The following TCOF1 variants were observed in gnomAD, a reference collection of about 807,000 sequenced individuals.
TCOF1 encodes the protein treacle ribosome biogenesis factor 1, also known as treacle protein.
A neutral mutation model predicts 149.0 loss-of-function variants in TCOF1; 33 were observed. The ratio of observed to expected loss-of-function variants is 0.22; its 90% confidence interval spans 0.17 to 0.30. The LOEUF (loss-of-function observed/expected upper bound fraction) is 0.30. Ranked by LOEUF, TCOF1 falls within the 10% of genes least tolerant of loss-of-function variation. The pLI is 1.00. For synonymous variants in TCOF1, 789 were observed against 738.8 expected (o/e 1.07, Z -1.10); for missense variants, 1,728 against 1,840.7 (o/e 0.94, Z 1.12).
intron 1 of TCOF1, 113 bp from the exon 2 acceptor site, chr5:150,361,043 C>A: frequency 7.1e-7 from 1 of 1,403,740 alleles, no homozygotes; most frequent in Non-Finnish European, 1.0e-6. Flanking sequence ...GCCAAAAAGA[C>A]CCTCTTCTGA....
intron 23 of TCOF1, chr5:150,395,001 G>A (rs1768169537): frequency 1.3e-5 from 2 of 150,932 alleles, no homozygotes; most frequent in South Asian, 2.1e-4. Context: ...GCCCTCCCCA[G>A]CTTCCCTCTC....
intron 17 of TCOF1, among the ~76,000 whole-genome samples, chr5:150,382,903 C>T (rs1765515941): frequency 6.6e-6 from 1 of 152,198 alleles, no homozygotes; most frequent in African/African-American, 2.4e-5. Flanking sequence ...GGCTGTGGGG[C>T]AGGTCAGGCC....
At chr5:150,393,752 G>C (rs1767891023) in intron 23 of TCOF1, 200 bp downstream of exon 23, 2 of 700,436 alleles carry the variant, frequency 2.9e-6, no homozygotes, top group Admixed American at 5.3e-5. Flanking sequence ...AGTGGCTCAT[G>C]CCCATAATCC....
At chr5:150,367,418 T>C (rs933576132) in intron 3 of TCOF1, among the ~76,000 whole-genome samples, 2 of 152,236 alleles carry the variant, frequency 1.3e-5, no homozygotes, top group Non-Finnish European at 2.9e-5. Flanking sequence ...CAACTTTCTC[T>C]GTGGACCTGA....
rs1037461631 is a variant in TCOF1, at chr5:150,372,056, T to C, written c.690T>C (p.Thr230=). 1.2e-6 allele frequency: 2 copies of C among 1,614,174 alleles called. No individual in the cohort carries two copies. The highest frequency in any genetic ancestry group is 1.7e-6 in the Non-Finnish European group (2 of 1,180,032). The change falls in exon 7 of 27, where the codon ACT becomes ACC. Residue 230 remains threonine, a synonymous_variant. Coordinates refer to ENST00000643257, the MANE Select transcript of TCOF1 (RefSeq NM_001371623.1). ...PAQVKASSVS[T]KESPARKAAP... is the part of the protein sequence containing the mutation. ...AGGTCAAAGCCTCATCAGTTTCTAC[T>C]AAGGAGTCTCCAGCAAGAAAGGCGG...
intron 17 of TCOF1, chr5:150,383,735 T>G (rs1473504486): frequency 6.4e-7 from 1 of 1,551,860 alleles, no homozygotes; most frequent in Admixed American, 2.0e-5. Flanking sequence ...GTTTTCTGTT[T>G]AGGACCAGGA....
rs938497518 is a variant in TCOF1, at chr5:150,371,921, T to A, written c.640-85T>A. The A allele has an allele frequency of 2.2e-4, 266 of 1,222,174 alleles. 5 individuals carry two copies. The South Asian group carries it at 3.3e-3, about 15-fold the overall frequency. The allele number at this position is 1,222,174 out of a possible 1,614,324, so 75.7% of individuals were successfully genotyped here. ...ATCCAGTGACATTAGGAAAGAGCTT[T>A]ATCAACTGCTGAAGCCCCTAATACA... On this transcript the variant is annotated intron_variant, in intron 6 of 26. Transcript: ENST00000643257.
At chr5:150,393,274 G>A in intron 22 of TCOF1, 98 bp from the exon 23 acceptor site, 1 of 1,473,292 alleles carries the variant, frequency 6.8e-7, no homozygotes, top group Non-Finnish European at 9.4e-7. Context: ...TGATCCTAGA[G>A]GCCCCAGGCT....
rs537931287 is a variant in TCOF1 at position 150,396,811 on chromosome 5, G to C, written c.4314G>C (p.Lys1438Asn). The part of the protein sequence containing the change: ...TVEGGDQSNP[K>N]SKKEKKKSDK... Reference sequence around the variant, plus strand: ...AAGGTGGAGATCAAAGCAACCCAAAGAGCAAGAAGGAGAAGAAGAAATCCG... The same window carrying C: ...AAGGTGGAGATCAAAGCAACCCAAACAGCAAGAAGGAGAAGAAGAAATCCG... Residue 1438 changes from lysine to asparagine, a missense_variant, in exon 24 of 27, where the codon AAG becomes AAC. Physicochemically the swap from Lys to Asn is moderately conservative, Grantham distance 94. Transcript: ENST00000643257. 6.2e-7 allele frequency: 1 copy of C among 1,607,268 alleles called. No individual in the cohort carries two copies. The highest frequency in any genetic ancestry group is 8.5e-7 in the Non-Finnish European group (1 of 1,177,320).
chr5:150,385,075 C>T (rs1197309321), intron 17 of TCOF1: 1 of 985,246 alleles, frequency 1.0e-6, no homozygotes, highest in Non-Finnish European at 1.2e-6. Flanking sequence ...GTAGGTGATA[C>T]ATATGTTAAA....
intron 17 of TCOF1, 158 bp downstream of exon 17, chr5:150,379,890 G>A: frequency 1.2e-6 from 1 of 842,780 alleles, no homozygotes; most frequent in Non-Finnish European, 1.9e-6. Context: ...TGGCCAACAT[G>A]GTGAAACCCC....
chr5:150,368,010 G>A (rs1581065102), intron 4 of TCOF1, 93 bp downstream of exon 4: 1 of 1,399,620 alleles, frequency 7.1e-7, no homozygotes, highest in East Asian at 2.3e-5. Flanking sequence ...AGGGTTGTGA[G>A]TAATTGCCCC....
chr5:150,384,105 A>T (rs918658382), intron 17 of TCOF1: 1 of 1,207,028 alleles, frequency 8.3e-7, no homozygotes, highest in Non-Finnish European at 1.0e-6. Context: ...CGGTCTCATG[A>T]ACCACCTCCC....
chr5:150,379,722 C>A lies in TCOF1; in HGVS notation c.2849C>A (p.Thr950Asn). 1 of 1,614,066 alleles carries A rather than the reference C, an allele frequency of 6.2e-7. No homozygotes were observed. Among genetic ancestry groups the A allele is most frequent in the South Asian group, 1.1e-5 (1 of 91,084 alleles). Residue 950 changes from threonine to asparagine, a missense_variant, in exon 17 of 27, where the codon ACC (threonine) becomes AAC (asparagine). Physicochemically the swap from Thr to Asn is moderately conservative, Grantham distance 65. Transcript: ENST00000643257. ...GATGGGGAGGCACCGGCAGCTGTGACCTCTGCCCAGGTAAGACTTGCCAGG... is the reference window on the plus strand; with the variant it reads ...GATGGGGAGGCACCGGCAGCTGTGAACTCTGCCCAGGTAAGACTTGCCAGG... ...DSDGEAPAAV[T>N]SAQVIKPPLI...
At chr5:150,383,746 G>A (rs949211560) in intron 17 of TCOF1, 15 of 1,551,794 alleles carry the variant, frequency 9.7e-6, no homozygotes, top group Non-Finnish European at 1.2e-5. Context: ...AGGACCAGGA[G>A]TCTTCTTGAA....
At chr5:150,398,799 G>A (rs1370798108) in intron 25 of TCOF1, among the ~76,000 whole-genome samples, 1 of 152,244 alleles carries the variant, frequency 6.6e-6, no homozygotes, top group African/African-American at 2.4e-5. Flanking sequence ...TGTCCTCACG[G>A]CGCGGGGCCT....
intron 24 of TCOF1, 136 bp from the exon 25 acceptor site, chr5:150,398,218 C>T (rs769987944): frequency 1.1e-4 from 171 of 1,554,966 alleles, no homozygotes; most frequent in Non-Finnish European, 1.4e-4. Flanking sequence ...CTCCACGCCC[C>T]GCCCTGCTGG....
At chr5:150,376,646 T>C in intron 14 of TCOF1, 26 bp downstream of exon 14, 2 of 1,550,604 alleles carry the variant, frequency 1.3e-6, no homozygotes. Context: ...AGCAGGCCCA[T>C]CCCACCCACA....
chr5:150,386,065 AAGC>A (rs138483006), intron 17 of TCOF1, among the ~76,000 whole-genome samples: 5,864 of 152,170 alleles, frequency 0.039, 168 homozygotes, highest in Non-Finnish European at 0.061. Context: ...GCGTAATGAG[AAGC>A]AGGTCTTCTC....
Sources: allele counts gnomAD v4.1 joint callset (sites outside exome capture counted in the v4.1 genomes callset), GRCh38; gene constraint gnomAD v4.1.1; transcripts MANE v1.5; gene names NCBI Gene and HGNC (gene_info 2026-07-23, HGNC 2026-07-21).